KHDRBS2: variants seen among roughly 807,000 people sequenced by gnomAD.
KHDRBS2 encodes KH domain-containing, RNA-binding, signal transduction-associated protein 2.
A neutral mutation model predicts 44.3 loss-of-function variants in KHDRBS2; 26 were observed. The ratio of observed to expected loss-of-function variants is 0.59; its 90% CI spans 0.43 to 0.81. The LOEUF (loss-of-function observed/expected upper bound fraction) is 0.81. Among genes scored for constraint, KHDRBS2 ranks in the 40% least tolerant of loss-of-function variants. The pLI is 0.00. For synonymous variants in KHDRBS2, 194 were observed against 151.1 expected, an observed-to-expected ratio of 1.28 and a Z score of -2.08; for missense variants, 476 against 433.1, an observed-to-expected ratio of 1.10 and a Z score of -0.88.
intron 2 of KHDRBS2, among the ~76,000 whole-genome samples, chr6:62,083,593 G>A (rs771704181): frequency 6.6e-6 from 1 of 152,098 alleles, no homozygotes; most frequent in Non-Finnish European, 1.5e-5. Context: ...AGACTCTGTT[G>A]CAGGCCCACA....
In KHDRBS2 at chr6:62,003,721, C is replaced by A. The variant is rs2127261580; in HGVS notation, c.337-25509G>T. Among the ~76,000 whole-genome samples, 3 of 152,294 alleles carry A rather than the reference C, an allele frequency of 2.0e-5. No individual in the cohort carries two copies. In the South Asian group the frequency reaches 6.2e-4, roughly 32 times the overall value. ...AAATCAACAGAATATACATTCTTCT[C>A]AGCACCACATCACACTTATTCCAAA... On this transcript the variant is annotated intron_variant, in intron 3 of 8. Coordinates refer to ENST00000281156, the MANE Select transcript of KHDRBS2 (RefSeq NM_152688.4).
chr6:62,275,905 T>C (rs1242600302), intron 1 of KHDRBS2, among the ~76,000 whole-genome samples: 2 of 152,188 alleles, frequency 1.3e-5, no homozygotes, highest in African/African-American at 2.4e-5. Context: ...CCTCTCAGAA[T>C]ATAAAGACCT....
the KHDRBS2 span, among the ~76,000 whole-genome samples, chr6:61,662,805 C>A: frequency 6.6e-6 from 1 of 151,678 alleles, no homozygotes; most frequent in African/African-American, 2.4e-5. Context: ...GTTGGTGGGA[C>A]TGTAAACTAG....
intron 2 of KHDRBS2, among the ~76,000 whole-genome samples, chr6:62,148,623 C>CA (rs1378996507): frequency 6.6e-6 from 1 of 151,844 alleles, no homozygotes; most frequent in Non-Finnish European, 1.5e-5. Context: ...ACAACAACAA[C>CA]AACAAATGAA....
chr6:61,626,846 C>T, the KHDRBS2 span, among the ~76,000 whole-genome samples: 3 of 152,032 alleles, frequency 2.0e-5, no homozygotes, highest in East Asian at 1.9e-4. Flanking sequence ...AGCCACATCT[C>T]TAGTCTTCAT....
intron 1 of KHDRBS2, among the ~76,000 whole-genome samples, chr6:62,281,885 C>T (rs1841859380): frequency 6.6e-6 from 1 of 152,032 alleles, no homozygotes; most frequent in Admixed American, 6.5e-5. Flanking sequence ...AGAAATTTTC[C>T]ACTATATCAT....
intron 6 of KHDRBS2, among the ~76,000 whole-genome samples, chr6:61,844,075 G>A (rs1794015787): frequency 6.6e-6 from 1 of 152,100 alleles, no homozygotes; most frequent in African/African-American, 2.4e-5. Context: ...TGAAGGAGAA[G>A]GATGTTGTTT....
chr6:61,549,585 C>T, the KHDRBS2 span, among the ~76,000 whole-genome samples: 1 of 152,002 alleles, frequency 6.6e-6, no homozygotes, highest in South Asian at 2.1e-4. Flanking sequence ...GTTCTGCCTG[C>T]CTTCTATTGC....
At chr6:62,121,565 C>T (rs1807648135) in intron 2 of KHDRBS2, among the ~76,000 whole-genome samples, 1 of 152,216 alleles carries the variant, frequency 6.6e-6, no homozygotes, top group African/African-American at 2.4e-5. Flanking sequence ...GCTTTTTTCT[C>T]CATTCCTGTC....
At chr6:62,214,931 C>T (rs1403807424) in intron 1 of KHDRBS2, among the ~76,000 whole-genome samples, 3 of 151,892 alleles carry the variant, frequency 2.0e-5, no homozygotes, top group South Asian at 2.1e-4. Context: ...TTGACATTCA[C>T]ATTTTTATTC....
At chr6:62,112,029 C>A (rs1185584314) in intron 2 of KHDRBS2, among the ~76,000 whole-genome samples, 1 of 152,054 alleles carries the variant, frequency 6.6e-6, no homozygotes, top group Non-Finnish European at 1.5e-5. Flanking sequence ...ACTTTGAGAA[C>A]TAATCATTTA....
At chr6:61,944,311 A>T (rs1255453620) in intron 4 of KHDRBS2, among the ~76,000 whole-genome samples, 1 of 152,214 alleles carries the variant, frequency 6.6e-6, no homozygotes, top group Non-Finnish European at 1.5e-5. Context: ...ACAATGGAAT[A>T]CTATTAGTCC....
chr6:62,034,223 G>A (rs1375609351), intron 3 of KHDRBS2, among the ~76,000 whole-genome samples: 5 of 151,788 alleles, frequency 3.3e-5, no homozygotes, highest in Admixed American at 2.6e-4. Context: ...GAACCCGATG[G>A]CTTTTACTGC....
At chr6:62,074,884 T>C (rs559297269) in intron 2 of KHDRBS2, among the ~76,000 whole-genome samples, 2 of 152,094 alleles carry the variant, frequency 1.3e-5, no homozygotes, top group East Asian at 1.9e-4. Flanking sequence ...AAATGTATTA[T>C]GCAAACTATG....
At chr6:62,008,319 TGAC>T (rs1779645795) in intron 3 of KHDRBS2, among the ~76,000 whole-genome samples, 1 of 152,172 alleles carries the variant, frequency 6.6e-6, no homozygotes, top group Non-Finnish European at 1.5e-5. Context: ...CCTAGTCATG[TGAC>T]AGTCAGTAAT....
At chr6:61,947,904 A>C (rs1583670508) in intron 4 of KHDRBS2, among the ~76,000 whole-genome samples, 1 of 138,772 alleles carries the variant, frequency 7.2e-6, no homozygotes, top group South Asian at 2.4e-4. Context: ...AAACCCCCAC[A>C]CACACACAAA....
intron 8 of KHDRBS2, among the ~76,000 whole-genome samples, chr6:61,689,372 C>T (rs1222023173): frequency 2.0e-5 from 3 of 152,022 alleles, no homozygotes; most frequent in East Asian, 1.9e-4. Flanking sequence ...TGGGAACCCC[C>T]GAATTTGTAG....
intron 2 of KHDRBS2, among the ~76,000 whole-genome samples, chr6:62,095,904 C>G (rs1800494845): frequency 6.6e-6 from 1 of 151,724 alleles, no homozygotes; most frequent in Non-Finnish European, 1.5e-5. Context: ...CTATTACTAA[C>G]TTGTTGAAAG....
intron 3 of KHDRBS2, among the ~76,000 whole-genome samples, chr6:62,008,917 T>C (rs548337793): frequency 1.3e-5 from 2 of 152,288 alleles, no homozygotes; most frequent in South Asian, 4.1e-4. Flanking sequence ...CAGTCTCAGG[T>C]ATGTCTTTAT....
Sources: allele counts gnomAD v4.1 joint callset (sites outside exome capture counted in the v4.1 genomes callset), GRCh38; gene constraint gnomAD v4.1.1; transcripts MANE v1.5; gene names NCBI Gene and HGNC (gene_info 2026-07-23, HGNC 2026-07-21).